The following CHN2 variants were observed in gnomAD, a reference collection of about 807,000 sequenced individuals.
CHN2 encodes the protein chimerin 2.
CHN2 carries 35 observed loss-of-function variants against 56.3 expected under a neutral mutation model. The ratio of observed to expected loss-of-function variants is 0.62; its 90% CI spans 0.47 to 0.82. The LOEUF is 0.82. Ranked by LOEUF, CHN2 falls within the 40% of genes least tolerant of loss-of-function variation. The pLI is 0.00. For missense variants in CHN2, 491 were observed against 580.5 expected (o/e 0.85, Z 1.58); for synonymous variants, 210 against 212.8 (o/e 0.99, Z 0.12).
chr7:29,511,827 GGAGA>G (rs1302068475), intron 12 of CHN2, among the ~76,000 whole-genome samples: 1 of 136,508 alleles, frequency 7.3e-6, no homozygotes, highest in Non-Finnish European at 1.6e-5. Context: ...CAAAACTCTG[GGAGA>G]TAGATAGATT....
chr7:29,457,383 A>G (rs958580227), intron 6 of CHN2, among the ~76,000 whole-genome samples: 3 of 152,142 alleles, frequency 2.0e-5, no homozygotes, highest in African/African-American at 4.8e-5. Flanking sequence ...TTGCATTGTC[A>G]TCAGCCCCCA....
chr7:29,273,349 A>ATATATATATATATATATATATATATGTG (rs1790853551), intron 1 of CHN2, among the ~76,000 whole-genome samples: 1 of 58,508 alleles, frequency 1.7e-5, no homozygotes, highest in Non-Finnish European at 3.2e-5. Flanking sequence ...ATGTGTATAT[A>ATATATATATATATATATATATATATGTG]TATATATATA....
At chr7:29,268,258 T>C (rs940576832) in intron 1 of CHN2, among the ~76,000 whole-genome samples, 1 of 138,780 alleles carries the variant, frequency 7.2e-6, no homozygotes, top group Non-Finnish European at 1.5e-5. Flanking sequence ...TTTTAAAAAA[T>C]GTCCTTCATC....
chr7:29,268,896 T>C (rs1790381736), intron 1 of CHN2, among the ~76,000 whole-genome samples: 1 of 152,174 alleles, frequency 6.6e-6, no homozygotes, highest in African/African-American at 2.4e-5. Context: ...TTTTATTGCA[T>C]TGACTTTAGC....
intron 3 of CHN2, among the ~76,000 whole-genome samples, chr7:29,375,497 A>G (rs1162731799): frequency 6.6e-6 from 1 of 152,114 alleles, no homozygotes; most frequent in East Asian, 1.9e-4. Context: ...CACCTGGCTG[A>G]TTTTTATTTC....
chr7:29,224,926 A>G (rs1168556192), intron 1 of CHN2, among the ~76,000 whole-genome samples: 2 of 152,216 alleles, frequency 1.3e-5, no homozygotes, highest in Non-Finnish European at 2.9e-5. Context: ...AGTAAAACAC[A>G]TATCATCTCC....
At chr7:29,167,412 C>G (rs1376565978) in intron 2 of CHN2, among the ~76,000 whole-genome samples, 1 of 152,096 alleles carries the variant, frequency 6.6e-6, no homozygotes, top group Non-Finnish European at 1.5e-5. Flanking sequence ...GACATGAGAG[C>G]TATTTCCAGT....
chr7:29,167,032 G>T (rs1796011478), intron 2 of CHN2, among the ~76,000 whole-genome samples: 1 of 151,836 alleles, frequency 6.6e-6, no homozygotes, highest in Non-Finnish European at 1.5e-5. Flanking sequence ...ACAAGTTAAA[G>T]AATAATAACA....
chr7:29,266,102 T>C (rs950850568), intron 1 of CHN2, among the ~76,000 whole-genome samples: 5 of 152,164 alleles, frequency 3.3e-5, no homozygotes, highest in Non-Finnish European at 7.4e-5. Context: ...GTCAAAGATG[T>C]GTGTAAAATG....
chr7:29,463,815 C>T (rs77895769), intron 6 of CHN2, among the ~76,000 whole-genome samples: 1,846 of 152,318 alleles, frequency 0.012, 30 homozygotes, highest in African/African-American at 0.042. Context: ...TGTCCAAGCT[C>T]TGCTGGTGTA....
chr7:29,418,877 T>C (rs1483153235), intron 6 of CHN2, among the ~76,000 whole-genome samples: 1 of 152,224 alleles, frequency 6.6e-6, no homozygotes, highest in Non-Finnish European at 1.5e-5. Context: ...TAGCACTCTA[T>C]GTATCTGGTA....
chr7:29,412,353 G>T (rs1343271981), intron 6 of CHN2, among the ~76,000 whole-genome samples: 2 of 94,106 alleles, frequency 2.1e-5, no homozygotes, highest in African/African-American at 5.2e-5. Flanking sequence ...TTTTTTGGGA[G>T]ACGGAGTCTC....
chr7:29,421,572 T>C (rs1025340711), intron 6 of CHN2, among the ~76,000 whole-genome samples: 5 of 152,234 alleles, frequency 3.3e-5, no homozygotes, highest in African/African-American at 1.2e-4. Context: ...TCCTCCTGCT[T>C]TATTTCTTCA....
At chr7:29,297,157 G>A (rs1271417211) in intron 1 of CHN2, among the ~76,000 whole-genome samples, 1 of 152,200 alleles carries the variant, frequency 6.6e-6, no homozygotes, top group African/African-American at 2.4e-5. Context: ...CCTCAGCGGA[G>A]CAAGACTCCT....
upstream of CHN2, chr7:29,194,455 A>T (rs939326399): frequency 6.5e-6 from 1 of 154,376 alleles, no homozygotes; most frequent in Admixed American, 6.5e-5. Flanking sequence ...GCGGAGGGAG[A>T]AGGGGGAGGT....
chr7:29,472,086 A>G (rs1483363115), intron 6 of CHN2, among the ~76,000 whole-genome samples: 2 of 152,060 alleles, frequency 1.3e-5, no homozygotes, highest in African/African-American at 2.4e-5. Context: ...ATAAAAGATA[A>G]CCACCCCTTT....
intron 1 of CHN2, among the ~76,000 whole-genome samples, chr7:29,252,577 T>G (rs1363797820): frequency 3.1e-5 from 2 of 64,534 alleles, no homozygotes; most frequent in African/African-American, 1.5e-4. Flanking sequence ...TTGCATTCTT[T>G]GTTTTTTTTT....
At chr7:29,306,562 G>A (rs1390703476) in intron 1 of CHN2, among the ~76,000 whole-genome samples, 1 of 152,150 alleles carries the variant, frequency 6.6e-6, no homozygotes, top group African/African-American at 2.4e-5. Context: ...GGGACCCTGG[G>A]TGTTAAAGCC....
chr7:29,361,665 G>A (rs1401010562), intron 2 of CHN2, among the ~76,000 whole-genome samples: 2 of 152,068 alleles, frequency 1.3e-5, no homozygotes, highest in African/African-American at 2.4e-5. Context: ...ATTTTTCTTT[G>A]CTAAAGCTCA....
Sources: allele counts gnomAD v4.1 joint callset (sites outside exome capture counted in the v4.1 genomes callset), GRCh38; gene constraint gnomAD v4.1.1; transcripts MANE v1.5; gene names NCBI Gene and HGNC (gene_info 2026-07-23, HGNC 2026-07-21).